The following KIAA0825 variants were observed in gnomAD, a reference collection of about 807,000 sequenced individuals.
KIAA0825 encodes KIAA0825, also known as uncharacterized protein KIAA0825.
In KIAA0825, 119 loss-of-function variants were observed where a neutral mutation model predicts 147.6. The ratio of observed to expected loss-of-function variants is 0.81; its 90% CI spans 0.69 to 0.94. The LOEUF is 0.94. KIAA0825 is among the 40% of genes least tolerant of loss of function. KIAA0825 has a pLI of 0.00. For synonymous variants in KIAA0825, 470 were observed against 518.1 expected, an observed-to-expected ratio of 0.91 and a Z score of 1.26; for missense variants, 1,381 against 1,472.7, an observed-to-expected ratio of 0.94 and a Z score of 1.02.
intron 1 of KIAA0825, among the ~76,000 whole-genome samples, chr5:94,596,640 G>A (rs184574222): frequency 6.6e-6 from 1 of 152,260 alleles, no homozygotes; most frequent in Admixed American, 6.5e-5. Flanking sequence ...GATAGGAATA[G>A]CATTAAATCT....
Position 94,381,836 on chromosome 5 carries a change from A to T in KIAA0825, c.3710+2532T>A, listed in dbSNP as rs573530654. ...CATATTTAGGGGGTGAGGGAGGTCT[A>T]GTGTACTCTAGGCATGTGGGGAGAC... On this transcript the variant is annotated intron_variant, in intron 20 of 20. Transcript: ENST00000682413. 3.9e-5 allele frequency among the ~76,000 whole-genome samples: 6 copies of T among 152,282 alleles called. No individual in the cohort carries two copies. The South Asian group carries it at 1.2e-3, about 32-fold the overall frequency.
intron 20 of KIAA0825, among the ~76,000 whole-genome samples, chr5:94,298,211 G>T (rs990471945): frequency 2.6e-5 from 4 of 151,866 alleles, no homozygotes; most frequent in African/African-American, 9.7e-5. Context: ...TTGCGCCACT[G>T]CACTCCAGCC....
chr5:94,283,719 A>C (rs945762502), intron 20 of KIAA0825, among the ~76,000 whole-genome samples: 1 of 152,142 alleles, frequency 6.6e-6, no homozygotes, highest in Non-Finnish European at 1.5e-5. Flanking sequence ...CAGTGAGTCC[A>C]ATTAGTATTT....
At chr5:94,436,669 T>C (rs1480383445) in intron 14 of KIAA0825, among the ~76,000 whole-genome samples, 1 of 152,226 alleles carries the variant, frequency 6.6e-6, no homozygotes, top group Non-Finnish European at 1.5e-5. Context: ...ATGTCAATGG[T>C]ACCTTAATGG....
rs375977343 is a variant in KIAA0825, at chr5:94,152,917, C to T, written c.*1090G>A. On this transcript the variant is annotated 3_prime_UTR_variant, in exon 21 of 21. Transcript: ENST00000682413. ...ATATATATATATGGTTTCTCCCAGA[C>T]GTTCTTAGACTGCCCAACCATGCAA... is the stretch of plus-strand genomic sequence containing the variant. The T allele has an allele frequency of 2.7e-4, 26 of 95,090 alleles. 1 individual carries two copies. In the East Asian group the frequency reaches 4.2e-3, roughly 16 times the overall value. 5.9% of individuals were successfully genotyped at this position (95,090 alleles called of 1,614,324 possible).
At chr5:94,602,376 T>C (rs1453131564) in intron 1 of KIAA0825, among the ~76,000 whole-genome samples, 1 of 151,690 alleles carries the variant, frequency 6.6e-6, no homozygotes. Context: ...AGATATTCCA[T>C]GAGAAGATCT....
chr5:94,509,632 C>T lies in KIAA0825; in HGVS notation c.970+10616G>A, dbSNP rs79223608. 2.0e-3 allele frequency among the ~76,000 whole-genome samples: 304 copies of T among 152,304 alleles called. 1 individual carries two copies. Among genetic ancestry groups the T allele is most frequent in the African/African-American group, 7.1e-3 (295 of 41,562 alleles). On this transcript the variant is annotated intron_variant, in intron 5 of 20. Coordinates refer to ENST00000682413, the MANE Select transcript of KIAA0825 (RefSeq NM_001145678.3). ...AACTCAATAAAGACAACATATGTCT[C>T]TTTGGAGAAAGTAACTGGAGGTAAA...
chr5:94,336,261 CT>C (rs34128147), intron 20 of KIAA0825, among the ~76,000 whole-genome samples: 16,868 of 141,830 alleles, frequency 0.12, 950 homozygotes, highest in Non-Finnish European at 0.14. Context: ...TCTTTTCTTT[CT>C]TTTTTTTTTT....
At chr5:94,253,507 A>G (rs888869984) in intron 20 of KIAA0825, among the ~76,000 whole-genome samples, 1 of 152,136 alleles carries the variant, frequency 6.6e-6, no homozygotes, top group African/African-American at 2.4e-5. Flanking sequence ...TTAATACATC[A>G]TGGAGCTAAT....
intron 14 of KIAA0825, among the ~76,000 whole-genome samples, chr5:94,418,088 A>G (rs1214385799): frequency 6.6e-6 from 1 of 152,202 alleles, no homozygotes; most frequent in East Asian, 1.9e-4. Context: ...GATAATAAGC[A>G]TGAGATGTGT....
chr5:94,248,037 G>A (rs1367787893), intron 20 of KIAA0825, among the ~76,000 whole-genome samples: 1 of 152,128 alleles, frequency 6.6e-6, no homozygotes, highest in Non-Finnish European at 1.5e-5. Context: ...AGATAGGTGT[G>A]TGGTTCAAAG....
At chr5:94,532,157 C>T (rs145125870) in intron 3 of KIAA0825, among the ~76,000 whole-genome samples, 158 of 152,220 alleles carry the variant, frequency 1.0e-3, no homozygotes, top group African/African-American at 3.6e-3. Context: ...GGTAGCAATT[C>T]TTATTTTTGA....
intron 20 of KIAA0825, among the ~76,000 whole-genome samples, chr5:94,287,357 T>C (rs1777706755): frequency 6.6e-6 from 1 of 152,178 alleles, no homozygotes; most frequent in African/African-American, 2.4e-5. Context: ...ACTAAATGCT[T>C]AAAACAAGCA....
At chr5:94,549,450 G>A (rs1487528978) in intron 2 of KIAA0825, among the ~76,000 whole-genome samples, 2 of 152,214 alleles carry the variant, frequency 1.3e-5, no homozygotes, top group Non-Finnish European at 2.9e-5. Context: ...GGTGGCTCAT[G>A]CCTGTAATTC....
At chr5:94,586,637 T>G (rs184936480) in intron 1 of KIAA0825, among the ~76,000 whole-genome samples, 461 of 152,352 alleles carry the variant, frequency 3.0e-3, no homozygotes, top group African/African-American at 0.011. Context: ...GTATCATTCC[T>G]TCTGAGACTA....
chr5:94,219,349 G>A (rs930660912), intron 20 of KIAA0825, among the ~76,000 whole-genome samples: 2 of 152,070 alleles, frequency 1.3e-5, no homozygotes, highest in Admixed American at 1.3e-4. Context: ...GTGGAGCTCA[G>A]GTTCACTCAC....
chr5:94,227,509 G>C (rs1473057543), intron 20 of KIAA0825, among the ~76,000 whole-genome samples: 1 of 150,880 alleles, frequency 6.6e-6, no homozygotes, highest in Non-Finnish European at 1.5e-5. Flanking sequence ...TAACTAACCT[G>C]CACATTGTGC....
chr5:94,315,207 A>C (rs1779536760), intron 20 of KIAA0825, among the ~76,000 whole-genome samples: 2 of 151,598 alleles, frequency 1.3e-5, no homozygotes, highest in Admixed American at 1.3e-4. Context: ...ATGACATACA[A>C]ATACTAAAAA....
rs149416702 is a variant in KIAA0825 at position 94,504,457 on chromosome 5, G to A, written c.970+15791C>T. The stretch of plus-strand genomic sequence containing the variant: ...CCTTGAAGGCTAGAACACTCCAAAA[G>A]GCTTATGATAAATTAGGGAAATAGT... On this transcript the variant is annotated intron_variant, in intron 5 of 20. Coordinates refer to ENST00000682413, the MANE Select transcript of KIAA0825 (RefSeq NM_001145678.3). Among the ~76,000 whole-genome samples the A allele has an allele frequency of 2.4e-3, 364 of 152,228 alleles. 1 individual carries two copies. Among genetic ancestry groups the A allele is most frequent in the Middle Eastern group, 0.014 (4 of 294 alleles).
Sources: gnomAD v4.1 joint callset for allele counts (sites outside exome capture counted in the v4.1 genomes callset) on GRCh38, gnomAD v4.1.1 for gene constraint, MANE v1.5 for transcripts, NCBI Gene and HGNC (gene_info 2026-07-23, HGNC 2026-07-21) for gene names.